The following CSMD1 variants were observed in gnomAD, a reference collection of about 807,000 sequenced individuals.
CSMD1 encodes the protein CUB and sushi domain-containing protein 1.
Under a neutral mutation model 417.5 loss-of-function variants are expected in CSMD1, and 213 were observed. The observed-to-expected ratio is 0.51, with a 90% CI of 0.46 to 0.57. The LOEUF is 0.57. Among genes scored for constraint, CSMD1 ranks in the 20% least tolerant of loss-of-function variants. CSMD1 has a pLI of 0.00. For synonymous variants in CSMD1, 2,862 were observed against 1,736.8 expected (o/e 1.65, Z -16.11); for missense variants, 6,923 against 4,529.7 (o/e 1.53, Z -15.17).
chr8:3,647,760 CAGAG>C (rs1420849635), intron 7 of CSMD1, among the ~76,000 whole-genome samples: 4 of 151,978 alleles, frequency 2.6e-5, no homozygotes, highest in African/African-American at 9.7e-5. Context: ...GAGAGTGAGA[CAGAG>C]AGAAAGAGTG....
At chr8:4,612,466 G>C (rs574589657) in intron 2 of CSMD1, among the ~76,000 whole-genome samples, 23 of 152,310 alleles carry the variant, frequency 1.5e-4, no homozygotes, top group African/African-American at 4.3e-4. Context: ...TCCTTCTCAA[G>C]AACTCTGAGG....
chr8:3,994,417 A>G (rs890085028), intron 5 of CSMD1, among the ~76,000 whole-genome samples: 1 of 146,532 alleles, frequency 6.8e-6, no homozygotes, highest in Non-Finnish European at 1.5e-5. Context: ...TAGAAGTACA[A>G]GTTATAGGCT....
Position 3,142,533 on chromosome 8 carries a change from T to A in CSMD1, c.6173A>T (p.His2058Leu). 6.2e-7 allele frequency: 1 copy of A among 1,614,040 alleles called. No homozygotes were observed. Among genetic ancestry groups the A allele is most frequent in the Middle Eastern group, 1.7e-4 (1 of 6,058 alleles). Residue 2058 changes from histidine (H) to leucine (L), a missense_variant, in exon 41 of 70, where the codon CAT becomes CTT. Coordinates refer to ENST00000635120, the MANE Select transcript of CSMD1 (RefSeq NM_033225.6). The stretch of plus-strand genomic sequence containing the variant: ...ACTATAAAAGTGGATGAGGGTTTCA[T>A]GCGTTGTGCTCAGCAGGGCCGCGGG... ...DLPAALLSTT[H>L]ETLIHFYSDH...
chr8:4,257,118 G>T (rs1406137220), intron 3 of CSMD1, among the ~76,000 whole-genome samples: 1 of 152,082 alleles, frequency 6.6e-6, no homozygotes, highest in Admixed American at 6.5e-5. Flanking sequence ...CTCTATATGA[G>T]TCATACTCAC....
intron 2 of CSMD1, among the ~76,000 whole-genome samples, chr8:4,443,755 C>G (rs1192306240): frequency 6.6e-6 from 1 of 152,168 alleles, no homozygotes; most frequent in African/African-American, 2.4e-5. Flanking sequence ...TTTTATCAAA[C>G]TATAAACACA....
chr8:4,278,631 C>G (rs1206985972), intron 3 of CSMD1, among the ~76,000 whole-genome samples: 1 of 152,082 alleles, frequency 6.6e-6, no homozygotes, highest in Non-Finnish European at 1.5e-5. Flanking sequence ...CAAATTTTAG[C>G]TACGAATTCA....
chr8:4,085,216 T>G (rs575453124), intron 3 of CSMD1, among the ~76,000 whole-genome samples: 1 of 152,122 alleles, frequency 6.6e-6, no homozygotes, highest in Non-Finnish European at 1.5e-5. Flanking sequence ...CAGCTAGACA[T>G]GAATCATCTG....
chr8:4,427,949 C>T (rs1033424538), intron 2 of CSMD1, among the ~76,000 whole-genome samples: 1 of 152,140 alleles, frequency 6.6e-6, no homozygotes, highest in Non-Finnish European at 1.5e-5. Context: ...GTTATGTTTT[C>T]AAATGTTTTT....
chr8:4,248,259 C>T (rs1166511713), intron 3 of CSMD1, among the ~76,000 whole-genome samples: 2 of 152,098 alleles, frequency 1.3e-5, no homozygotes, highest in African/African-American at 2.4e-5. Flanking sequence ...ACATTCAAGT[C>T]TTAATTTCTA....
intron 10 of CSMD1, among the ~76,000 whole-genome samples, chr8:3,527,077 A>G (rs1021830685): frequency 3.3e-5 from 5 of 152,072 alleles, no homozygotes; most frequent in African/African-American, 7.3e-5. Context: ...CGCTGCAAAG[A>G]AAGCCCAGAA....
In CSMD1 at chr8:3,252,983, A is replaced by G. The variant is rs191829829; in HGVS notation, c.4154-22752T>C. 2.9e-3 allele frequency among the ~76,000 whole-genome samples: 436 copies of G among 152,232 alleles called. 2 individuals are homozygous for G. Among genetic ancestry groups the G allele is most frequent in the African/African-American group, 1.0e-2 (415 of 41,544 alleles). ...TCTTTATTAGTTTTGCTAGCAGTCT[A>G]TCAATTTTGTTGATCTTTTCAAAAA... On this transcript the variant is annotated intron_variant, in intron 26 of 69. Coordinates refer to ENST00000635120, the MANE Select transcript of CSMD1 (RefSeq NM_033225.6).
intron 5 of CSMD1, among the ~76,000 whole-genome samples, chr8:3,776,318 G>A (rs1798884091): frequency 6.6e-6 from 1 of 152,204 alleles, no homozygotes; most frequent in Non-Finnish European, 1.5e-5. Context: ...ACCCAAATTA[G>A]ATCACATTGC....
At chr8:4,828,208 C>T (rs553343218) in intron 1 of CSMD1, among the ~76,000 whole-genome samples, 1 of 152,162 alleles carries the variant, frequency 6.6e-6, no homozygotes, top group South Asian at 2.1e-4. Flanking sequence ...GCACTATTGT[C>T]ACTTAATATT....
At chr8:4,860,863 A>G (rs1241388768) in intron 1 of CSMD1, among the ~76,000 whole-genome samples, 3 of 152,098 alleles carry the variant, frequency 2.0e-5, no homozygotes, top group African/African-American at 4.8e-5. Context: ...AAACGTTCAC[A>G]TCCCTGCTTC....
intron 2 of CSMD1, among the ~76,000 whole-genome samples, chr8:4,445,105 A>G (rs1798704558): frequency 6.6e-6 from 1 of 152,362 alleles, no homozygotes; most frequent in South Asian, 2.1e-4. Flanking sequence ...TGAACAACAA[A>G]AAAAGTATGA....
chr8:4,877,082 A>G (rs1421734148), intron 1 of CSMD1, among the ~76,000 whole-genome samples: 2 of 152,140 alleles, frequency 1.3e-5, no homozygotes, highest in East Asian at 3.9e-4. Context: ...TCTTTCAAAT[A>G]CACTACTTAT....
At chr8:3,994,706 T>C (rs1353149958) in intron 5 of CSMD1, among the ~76,000 whole-genome samples, 1 of 152,140 alleles carries the variant, frequency 6.6e-6, no homozygotes, top group Non-Finnish European at 1.5e-5. Context: ...AATATAAAGA[T>C]AATTTTGGCA....
chr8:3,615,248 G>C (rs142627647), intron 8 of CSMD1, among the ~76,000 whole-genome samples: 1 of 152,060 alleles, frequency 6.6e-6, no homozygotes, highest in African/African-American at 2.4e-5. Context: ...CAGCAAAGTG[G>C]GTACAAAAGG....
intron 41 of CSMD1, among the ~76,000 whole-genome samples, chr8:3,136,662 C>A (rs1198696385): frequency 6.6e-6 from 1 of 152,104 alleles, no homozygotes; most frequent in African/African-American, 2.4e-5. Context: ...AGTGGTTATA[C>A]CCAGGGTACA....
Sources: gnomAD v4.1 joint callset for allele counts (sites outside exome capture counted in the v4.1 genomes callset) on GRCh38, gnomAD v4.1.1 for gene constraint, MANE v1.5 for transcripts, NCBI Gene and HGNC (gene_info 2026-07-23, HGNC 2026-07-21) for gene names.